Variants in HERC1 observed in about 807,000 individuals in gnomAD.
The protein encoded by HERC1 is probable E3 ubiquitin-protein ligase HERC1.
HERC1 carries 160 observed loss-of-function variants against 554.3 expected under a neutral mutation model. The observed-to-expected ratio is 0.29, with a 90% CI of 0.25 to 0.33. HERC1 has a LOEUF of 0.33. Among genes scored for constraint, HERC1 ranks in the 10% least tolerant of loss-of-function variants. The pLI is 1.00. For synonymous variants in HERC1, 2,175 were observed against 2,131.7 expected (o/e 1.02, Z -0.56); for missense variants, 4,919 against 5,918.5 (o/e 0.83, Z 5.54).
intron 50 of HERC1, among the ~76,000 whole-genome samples, chr15:63,654,857 A>G (rs1382840320): frequency 6.6e-6 from 1 of 151,942 alleles, no homozygotes; most frequent in Non-Finnish European, 1.5e-5. Context: ...TGACACAGCA[A>G]GACTCCATCT....
rs75691465 is a variant in HERC1, at chr15:63,626,767, A to G, written c.13106-613T>C. On this transcript the variant is annotated intron_variant, in intron 70 of 77. Coordinates refer to ENST00000443617, the MANE Select transcript of HERC1 (RefSeq NM_003922.4). Reference sequence around the variant, plus strand: ...TAAAAACAAGATACAAACTCACTTCAGTTTCCTGTAAATAAAGACTGGTAC... The same window carrying G: ...TAAAAACAAGATACAAACTCACTTCGGTTTCCTGTAAATAAAGACTGGTAC... Among the ~76,000 whole-genome samples the G allele has an allele frequency of 2.2e-4, 34 of 152,358 alleles. No homozygotes were observed. The East Asian group carries it at 5.6e-3, about 25-fold the overall frequency.
intron 7 of HERC1, 56 bp from the exon 8 acceptor site, chr15:63,753,141 T>C (rs1411288847): frequency 7.4e-7 from 1 of 1,348,146 alleles, no homozygotes. Context: ...TCTACTCTTT[T>C]TAACACTACT....
intron 36 of HERC1, 146 bp from the exon 37 acceptor site, chr15:63,678,511 A>G: frequency 1.1e-6 from 1 of 943,168 alleles, no homozygotes; most frequent in Non-Finnish European, 1.5e-6. Flanking sequence ...CCCAAAGAGT[A>G]AGGAAATGTC....
chr15:63,697,192 A>T (rs2072467832), intron 26 of HERC1, among the ~76,000 whole-genome samples: 1 of 152,148 alleles, frequency 6.6e-6, no homozygotes, highest in Non-Finnish European at 1.5e-5. Context: ...CCAGGATTTA[A>T]TCCTAGATAC....
rs2076089126 is a variant in HERC1 at position 63,775,607 on chromosome 15, G to A, written c.17C>T (p.Pro6Leu). The A allele has an allele frequency of 1.3e-6, 2 of 1,597,614 alleles. No individual in the cohort carries two copies. The highest frequency in any genetic ancestry group is 1.7e-6 in the Non-Finnish European group (2 of 1,173,246). MATMI[P>L]PVKLKWLEHL... ...TTCAAGCCATTTCAGCTTCACTGGT[G>A]GAATCATAGTTGCCATGTTGATTTA... is the stretch of plus-strand genomic sequence containing the variant. Residue 6 changes from proline to leucine, a missense_variant, in exon 2 of 78, where the codon CCA becomes CTA. Pro to Leu is a moderately conservative substitution (Grantham distance 98). Coordinates refer to ENST00000443617, the MANE Select transcript of HERC1 (RefSeq NM_003922.4). The surrounding 1 kb of genome is among the most constrained non-coding windows in gnomAD (Gnocchi z 4.0).
At chr15:63,742,428 C>T (rs996960658) in intron 12 of HERC1, among the ~76,000 whole-genome samples, 2 of 152,070 alleles carry the variant, frequency 1.3e-5, no homozygotes, top group Admixed American at 6.6e-5. Flanking sequence ...TCATGTCATC[C>T]GCAAACAGAA....
intron 68 of HERC1, among the ~76,000 whole-genome samples, chr15:63,631,729 C>T (rs1467003414): frequency 6.6e-6 from 1 of 152,124 alleles, no homozygotes; most frequent in African/African-American, 2.4e-5. Context: ...TTAGTAGAGA[C>T]GGCGTTTCGC....
At chr15:63,673,709 A>C (rs556155002) in intron 38 of HERC1, among the ~76,000 whole-genome samples, 1 of 152,360 alleles carries the variant, frequency 6.6e-6, no homozygotes, top group East Asian at 1.9e-4. Context: ...CTCTGAGAAG[A>C]TATCAGAATA....
rs967896418 is a variant in HERC1, at chr15:63,698,713, A to C, written c.4905+15T>G. Reference sequence around the variant, plus strand: ...TTTCCAGAGCTCTCATAAGGAGTAAATATCAAAGACTTACTTCTGCCCTTA... The same window carrying C: ...TTTCCAGAGCTCTCATAAGGAGTAACTATCAAAGACTTACTTCTGCCCTTA... On this transcript the variant is annotated intron_variant, in intron 26 of 77. Transcript: ENST00000443617. 4 of 1,607,796 alleles carry C rather than the reference A, an allele frequency of 2.5e-6. No homozygotes were observed. In the Admixed American group the frequency reaches 6.8e-5, roughly 27 times the overall value.
rs773560667 is a variant in HERC1, at chr15:63,624,237, T to C, written c.13366A>G (p.Met4456Val). ...LLAPRVYTLP[M>V]VRSIGKTMVQ... is the part of the protein sequence containing the mutation. ...ATGGTTTTTCCTATGGAGCGCACCATTGGCAGAGTGTAGACTCTTGGGGCT... is the reference window on the plus strand; with the variant it reads ...ATGGTTTTTCCTATGGAGCGCACCACTGGCAGAGTGTAGACTCTTGGGGCT... The change falls in exon 72 of 78, where the codon ATG becomes GTG. Residue 4456 changes from methionine (M) to valine (V), a missense_variant. Around this residue, in one of 11 missense-constraint regions of HERC1, gnomAD observed 410 missense variants for 467.0 expected, o/e 0.88. Coordinates refer to ENST00000443617, the MANE Select transcript of HERC1 (RefSeq NM_003922.4). The C allele has an allele frequency of 7.4e-6, 12 of 1,613,826 alleles. No individual in the cohort carries two copies. The highest frequency in any genetic ancestry group is 4.4e-5 in the South Asian group (4 of 91,080).
In HERC1 at chr15:63,645,472, T is replaced by G; in HGVS notation, c.11078+11A>C. 1 of 1,595,988 alleles carries G rather than the reference T, an allele frequency of 6.3e-7. No homozygotes were observed. Among genetic ancestry groups the G allele is most frequent in the Admixed American group, 1.8e-5 (1 of 56,980 alleles). On this transcript the variant is annotated intron_variant, in intron 56 of 77. Coordinates refer to ENST00000443617, the MANE Select transcript of HERC1 (RefSeq NM_003922.4). ...AAAACTAAGACGTATAGATGCAAATTGACAACATACGTAGCCATCAGTAAC... is the reference window on the plus strand; with the variant it reads ...AAAACTAAGACGTATAGATGCAAATGGACAACATACGTAGCCATCAGTAAC...
chr15:63,634,925 A>C (rs776673006), intron 65 of HERC1, 37 bp from the exon 66 acceptor site: 2 of 1,506,058 alleles, frequency 1.3e-6, no homozygotes, highest in East Asian at 4.7e-5. Flanking sequence ...ATTTTTAAGA[A>C]GGGAAACTAA....
intron 38 of HERC1, among the ~76,000 whole-genome samples, chr15:63,672,979 G>GT (rs1224274119): frequency 1.3e-5 from 2 of 152,034 alleles, no homozygotes; most frequent in Admixed American, 1.3e-4. Flanking sequence ...AACAAAAAAA[G>GT]TCTCACTTTT....
chr15:63,647,637 G>GGT (rs1207426751), intron 55 of HERC1, among the ~76,000 whole-genome samples: 4 of 151,988 alleles, frequency 2.6e-5, no homozygotes, highest in African/African-American at 9.7e-5. Context: ...ACGAAAACAT[G>GGT]GTATATATAA....
rs186160913 is a variant in HERC1 at position 63,647,444 on chromosome 15, T to C, written c.10878+625A>G. 7.9e-5 allele frequency among the ~76,000 whole-genome samples: 12 copies of C among 152,072 alleles called. No individual in the cohort carries two copies. The East Asian group carries it at 1.8e-3, about 22-fold the overall frequency. On this transcript the variant is annotated intron_variant, in intron 55 of 77. Coordinates refer to ENST00000443617, the MANE Select transcript of HERC1 (RefSeq NM_003922.4). The stretch of plus-strand genomic sequence containing the variant: ...AACTCTATAGAAAACAGTATGGGGA[T>C]TTCTCAATGAACAAAAACCAGAACT...
chr15:63,738,081 T>A (rs2074625809), intron 12 of HERC1, among the ~76,000 whole-genome samples: 1 of 152,140 alleles, frequency 6.6e-6, no homozygotes, highest in Non-Finnish European at 1.5e-5. Context: ...GAGGCCAACA[T>A]TGTCAGTAAT....
At chr15:63,765,641 A>T (rs2075751732) in intron 2 of HERC1, among the ~76,000 whole-genome samples, 1 of 152,110 alleles carries the variant, frequency 6.6e-6, no homozygotes, top group Non-Finnish European at 1.5e-5. Flanking sequence ...ACGAACGGCC[A>T]ATCAGAATAT....
At chr15:63,661,419 G>A (rs1052476715) in intron 45 of HERC1, among the ~76,000 whole-genome samples, 7 of 152,148 alleles carry the variant, frequency 4.6e-5, no homozygotes, top group Non-Finnish European at 1.0e-4. Context: ...TCAGGAAAAA[G>A]ATCTTAATTA....
chr15:63,748,881 C>T lies in HERC1; in HGVS notation c.2219+486G>A, dbSNP rs557624189. Among the ~76,000 whole-genome samples the T allele has an allele frequency of 1.1e-4, 16 of 151,794 alleles. No individual in the cohort carries two copies. The South Asian group carries it at 2.3e-3, about 22-fold the overall frequency. On this transcript the variant is annotated intron_variant, in intron 10 of 77. Coordinates refer to ENST00000443617, the MANE Select transcript of HERC1 (RefSeq NM_003922.4). ...ACTCATCTACCTGATGGACTAAACA[C>T]GTACAGTTAGCACTTTCGGAAAAAG...
Sources: gnomAD v4.1 joint callset for allele counts (sites outside exome capture counted in the v4.1 genomes callset) on GRCh38, gnomAD v4.1.1 for gene constraint, gnomAD v4.1.1 regional missense constraint, Gnocchi (gnomAD v3.1) non-coding constraint, MANE v1.5 for transcripts, NCBI Gene and HGNC (gene_info 2026-07-23, HGNC 2026-07-21) for gene names.